Variants in IL1RAPL1 observed in about 807,000 individuals in gnomAD.
The protein encoded by IL1RAPL1 is interleukin 1 receptor accessory protein like 1.
IL1RAPL1 carries 3 observed loss-of-function variants against 48.4 expected under a neutral mutation model. The ratio of observed to expected loss-of-function variants is 0.06; its 90% CI spans 0.03 to 0.16. The LOEUF is 0.16. Ranked by LOEUF, IL1RAPL1 falls within the 10% of genes least tolerant of loss-of-function variation. IL1RAPL1 has a pLI of 1.00. For missense variants in IL1RAPL1, 349 were observed against 530.6 expected (o/e 0.66, Z 3.36); for synonymous variants, 185 against 187.7 (o/e 0.99, Z 0.12).
At chrX:29,717,694 T>C (rs1275631598) in intron 6 of IL1RAPL1, among the ~76,000 whole-genome samples, 3 of 112,375 alleles carry the variant, frequency 2.7e-5, no homozygotes, top group Admixed American at 1.9e-4. Context: ...TCTATGGCTA[T>C]TTTTGAGCTG....
intron 2 of IL1RAPL1, among the ~76,000 whole-genome samples, chrX:29,240,195 C>CACACATATATATAT (rs1555979978): frequency 3.7e-5 from 1 of 27,224 alleles, no homozygotes; most frequent in African/African-American, 2.1e-4. Flanking sequence ...CACACACACA[C>CACACATATATATAT]ATATATATAT....
intron 1 of IL1RAPL1, among the ~76,000 whole-genome samples, chrX:28,748,925 C>G (rs1231106889): frequency 1.8e-5 from 2 of 111,290 alleles, no homozygotes; most frequent in African/African-American, 6.5e-5. Context: ...TGACCAACTT[C>G]TCTCCTTCCT....
intron 2 of IL1RAPL1, among the ~76,000 whole-genome samples, chrX:29,190,219 C>A (rs1930325703): frequency 1.8e-5 from 2 of 112,335 alleles, no homozygotes; most frequent in African/African-American, 6.5e-5. Context: ...GACAAGACAT[C>A]TGTCCTTATG....
chrX:29,880,517 A>C, intron 6 of IL1RAPL1, among the ~76,000 whole-genome samples: 1 of 111,856 alleles, frequency 8.9e-6, no homozygotes, highest in East Asian at 2.8e-4. Context: ...AGATACTGAG[A>C]GGTAAATGAA....
In IL1RAPL1 at chrX:28,722,401, T is replaced by C. The variant is rs755367946; in HGVS notation, c.-24-66919T>C. On this transcript the variant is annotated intron_variant, in intron 1 of 10. Transcript: ENST00000378993. ...TCATGATTTGGCTCTTTGTCTGTTA[T>C]TGGTGTATAAGAATGCTTGTGATTT... 7.1e-3 allele frequency among the ~76,000 whole-genome samples: 794 copies of C among 111,560 alleles called. 14 individuals carry two copies. Among genetic ancestry groups the C allele is most frequent in the African/African-American group, 0.024 (738 of 30,720 alleles).
At chrX:29,548,203 A>C (rs1473396278) in intron 5 of IL1RAPL1, among the ~76,000 whole-genome samples, 4 of 112,687 alleles carry the variant, frequency 3.5e-5, no homozygotes, top group Admixed American at 2.8e-4. Flanking sequence ...AGAGCAGTTT[A>C]AGCATTTTAA....
At chrX:29,065,696 G>C (rs1421392968) in intron 2 of IL1RAPL1, among the ~76,000 whole-genome samples, 3 of 111,813 alleles carry the variant, frequency 2.7e-5, no homozygotes, top group Non-Finnish European at 5.6e-5. Flanking sequence ...GTGAGGCTCT[G>C]TTAAGTTTTT....
intron 6 of IL1RAPL1, among the ~76,000 whole-genome samples, chrX:29,792,374 G>GA (rs1423999142): frequency 1.8e-5 from 2 of 111,606 alleles, no homozygotes; most frequent in Non-Finnish European, 3.8e-5. Flanking sequence ...TTAAACAACA[G>GA]AAATTTATTT....
At chrX:28,688,687 A>G (rs1935142126) in intron 1 of IL1RAPL1, among the ~76,000 whole-genome samples, 1 of 111,197 alleles carries the variant, frequency 9.0e-6, no homozygotes, top group African/African-American at 3.3e-5. Flanking sequence ...TTTAATCCAC[A>G]TTTTCTGATT....
chrX:28,645,623 C>G (rs1175268011), intron 1 of IL1RAPL1, among the ~76,000 whole-genome samples: 1 of 110,378 alleles, frequency 9.1e-6, no homozygotes. Flanking sequence ...CCCGGGTCAC[C>G]ATGTATATGA....
At chrX:29,176,970 G>T (rs1430342614) in intron 2 of IL1RAPL1, among the ~76,000 whole-genome samples, 1 of 111,238 alleles carries the variant, frequency 9.0e-6, no homozygotes, top group Non-Finnish European at 1.9e-5. Context: ...TGGTTATAAT[G>T]GTCGTGATAC....
intron 6 of IL1RAPL1, among the ~76,000 whole-genome samples, chrX:29,841,394 A>T (rs1340168375): frequency 9.0e-6 from 1 of 111,699 alleles, no homozygotes; most frequent in African/African-American, 3.2e-5. Context: ...TCGTCTGTTT[A>T]TGTGCTAGTT....
intron 5 of IL1RAPL1, among the ~76,000 whole-genome samples, chrX:29,485,665 A>G (rs1212860294): frequency 9.0e-6 from 1 of 111,670 alleles, no homozygotes; most frequent in African/African-American, 3.3e-5. Flanking sequence ...ATAGCATGAA[A>G]GGACTTCCTT....
chrX:29,455,038 G>A (rs775089119), intron 5 of IL1RAPL1, among the ~76,000 whole-genome samples: 1 of 111,185 alleles, frequency 9.0e-6, no homozygotes, highest in Non-Finnish European at 1.9e-5. Flanking sequence ...ATTATTCACA[G>A]ATCTTTTTTT....
intron 5 of IL1RAPL1, among the ~76,000 whole-genome samples, chrX:29,574,026 A>G (rs1922688348): frequency 9.1e-6 from 1 of 110,459 alleles, no homozygotes; most frequent in African/African-American, 3.3e-5. Context: ...ATAAAGAACT[A>G]CCTGAGACTG....
chrX:28,863,330 A>C (rs1475566556), intron 2 of IL1RAPL1, among the ~76,000 whole-genome samples: 2 of 109,063 alleles, frequency 1.8e-5, no homozygotes, highest in Non-Finnish European at 3.8e-5. Context: ...AATAGACAAT[A>C]TGTTTAAAAA....
At chrX:29,262,679 G>A (rs990637252) in intron 2 of IL1RAPL1, among the ~76,000 whole-genome samples, 2 of 108,808 alleles carry the variant, frequency 1.8e-5, no homozygotes, top group African/African-American at 3.3e-5. Flanking sequence ...AAAAAAAAAA[G>A]TTGCTAATAT....
At chrX:29,721,017 A>G (rs769989843) in intron 6 of IL1RAPL1, among the ~76,000 whole-genome samples, 12 of 112,106 alleles carry the variant, frequency 1.1e-4, no homozygotes, top group African/African-American at 3.9e-4. Flanking sequence ...TCAACTTTCC[A>G]TGGCAATGTC....
chrX:29,731,658 G>A (rs777986603), intron 6 of IL1RAPL1, among the ~76,000 whole-genome samples: 1 of 112,539 alleles, frequency 8.9e-6, no homozygotes, highest in South Asian at 3.7e-4. Context: ...GGTAACTAGG[G>A]TCTGGGGACA....
Sources: allele counts gnomAD v4.1 joint callset (sites outside exome capture counted in the v4.1 genomes callset), GRCh38; gene constraint gnomAD v4.1.1; transcripts MANE v1.5; gene names NCBI Gene and HGNC (gene_info 2026-07-23, HGNC 2026-07-21).